The following SLC14A2 variants were observed in gnomAD, a reference collection of about 807,000 sequenced individuals.
SLC14A2 encodes solute carrier family 14 member 2.
SLC14A2 carries 91 observed loss-of-function variants against 104.6 expected under a neutral mutation model. The ratio of observed to expected loss-of-function variants is 0.87; its 90% CI spans 0.73 to 1.04. The LOEUF (loss-of-function observed/expected upper bound fraction) is 1.04. Ranked by LOEUF, SLC14A2 falls within the 50% of genes least tolerant of loss-of-function variation. SLC14A2 has a pLI of 0.00. For synonymous variants in SLC14A2, 476 were observed against 466.4 expected (o/e 1.02, Z -0.27); for missense variants, 1,189 against 1,156.0 (o/e 1.03, Z -0.41).
intron 2 of SLC14A2, among the ~76,000 whole-genome samples, chr18:45,522,288 A>G (rs577002605): frequency 1.3e-5 from 2 of 152,336 alleles, no homozygotes; most frequent in Admixed American, 6.5e-5. Context: ...TTGCTATCCA[A>G]AACAGCTAAG....
intron 16 of SLC14A2, among the ~76,000 whole-genome samples, chr18:45,670,092 C>A (rs2046103859): frequency 6.6e-6 from 1 of 152,164 alleles, no homozygotes; most frequent in African/African-American, 2.4e-5. Context: ...TGTGTCACTG[C>A]ACTCCATGAG....
chr18:45,266,229 G>A (rs183719715), intron 1 of SLC14A2, among the ~76,000 whole-genome samples: 1 of 152,188 alleles, frequency 6.6e-6, no homozygotes, highest in East Asian at 1.9e-4. Context: ...GTAAGGCCAC[G>A]CCATCAGTCC....
intron 1 of SLC14A2, among the ~76,000 whole-genome samples, chr18:45,459,081 G>A (rs1388910862): frequency 6.6e-6 from 1 of 152,158 alleles, no homozygotes; most frequent in South Asian, 2.1e-4. Flanking sequence ...GTCAGTGCAG[G>A]ACATCTGCTG....
intron 1 of SLC14A2, among the ~76,000 whole-genome samples, chr18:45,235,792 TGC>T (rs200720963): frequency 7.2e-6 from 1 of 138,216 alleles, no homozygotes; most frequent in South Asian, 2.2e-4. Context: ...CCAATGTGTA[TGC>T]GCGTGTGTGT....
At chr18:45,594,309 A>T (rs2044693043) in intron 2 of SLC14A2, among the ~76,000 whole-genome samples, 1 of 152,220 alleles carries the variant, frequency 6.6e-6, no homozygotes, top group African/African-American at 2.4e-5. Context: ...TAAGTGTAAG[A>T]CACATCAAAG....
chr18:45,641,138 G>A lies in SLC14A2; in HGVS notation c.992-71G>A. 1.9e-6 allele frequency: 3 copies of A among 1,549,742 alleles called. No homozygotes were observed. The South Asian group carries it at 3.5e-5, about 18-fold the overall frequency. On this transcript the variant is annotated intron_variant, in intron 7 of 19. Coordinates refer to ENST00000255226, the MANE Select transcript of SLC14A2 (RefSeq NM_007163.4). Reference sequence around the variant, plus strand: ...CAGCATGGAGGCCACTCTGAGACCTGGCACCAGTCCCAGGGTGGTCTTTGT... The same window carrying A: ...CAGCATGGAGGCCACTCTGAGACCTAGCACCAGTCCCAGGGTGGTCTTTGT...
In SLC14A2 at chr18:45,226,132, C is replaced by T. The variant is rs186120842; in HGVS notation, c.-125+12941C>T. Among the ~76,000 whole-genome samples the T allele has an allele frequency of 2.0e-5, 3 of 152,222 alleles. No homozygotes were observed. In the East Asian group the frequency reaches 5.8e-4, roughly 29 times the overall value. On this transcript the variant is annotated intron_variant, in intron 1 of 20. Transcript: ENST00000586448. Reference sequence around the variant, plus strand: ...AACCACAATGAGATACCATCTCACACCAGTTAGAATGGCAATCATTAAAAA... The same window carrying T: ...AACCACAATGAGATACCATCTCACATCAGTTAGAATGGCAATCATTAAAAA...
intron 2 of SLC14A2, among the ~76,000 whole-genome samples, chr18:45,500,255 A>G (rs1425016227): frequency 6.6e-6 from 1 of 152,170 alleles, no homozygotes; most frequent in East Asian, 1.9e-4. Context: ...GGTTGCTATA[A>G]AATACTTTCT....
rs2045867266 is a variant in SLC14A2, at chr18:45,657,818, T to C, written c.1352-5967T>C. ...TTTTCAATTCTAACATCCAATGCCTTAGAGAGTTTAGAGAATGATCTTTGA... is the reference window on the plus strand; with the variant it reads ...TTTTCAATTCTAACATCCAATGCCTCAGAGAGTTTAGAGAATGATCTTTGA... On this transcript the variant is annotated intron_variant, in intron 10 of 19. Transcript: ENST00000255226. 2.6e-5 allele frequency among the ~76,000 whole-genome samples: 4 copies of C among 152,164 alleles called. No individual in the cohort carries two copies. In the South Asian group the frequency reaches 6.2e-4, roughly 24 times the overall value.
intron 2 of SLC14A2, among the ~76,000 whole-genome samples, chr18:45,544,290 C>A (rs2043933690): frequency 6.6e-6 from 1 of 152,210 alleles, no homozygotes; most frequent in Non-Finnish European, 1.5e-5. Context: ...TATCCTGAAT[C>A]CCTTCAGCAA....
chr18:45,313,832 C>G (rs1273377210), intron 1 of SLC14A2, among the ~76,000 whole-genome samples: 1 of 152,180 alleles, frequency 6.6e-6, no homozygotes, highest in East Asian at 1.9e-4. Context: ...TCTGTGTAAT[C>G]AGATATTTCT....
chr18:45,433,137 G>C (rs975151259), intron 1 of SLC14A2, among the ~76,000 whole-genome samples: 5 of 152,052 alleles, frequency 3.3e-5, no homozygotes. Context: ...GATAGACATA[G>C]GTTTGAGTCC....
chr18:45,546,419 A>G (rs1261379915), intron 2 of SLC14A2, among the ~76,000 whole-genome samples: 2 of 152,238 alleles, frequency 1.3e-5, no homozygotes, highest in African/African-American at 4.8e-5. Context: ...ACTGAGTTGA[A>G]TCGATGCAAA....
At chr18:45,281,636 G>A (rs1318097948) in intron 1 of SLC14A2, among the ~76,000 whole-genome samples, 2 of 152,106 alleles carry the variant, frequency 1.3e-5, no homozygotes, top group Non-Finnish European at 2.9e-5. Flanking sequence ...GGGCTGGGGG[G>A]TGCAATTTAG....
At chr18:45,200,107 C>A in the SLC14A2 span, among the ~76,000 whole-genome samples, 1 of 151,944 alleles carries the variant, frequency 6.6e-6, no homozygotes, top group Non-Finnish European at 1.5e-5. Context: ...ATACTTCGTG[C>A]AGTTTTTTAT....
chr18:45,278,979 T>C (rs559801204), intron 1 of SLC14A2, among the ~76,000 whole-genome samples: 1 of 152,260 alleles, frequency 6.6e-6, no homozygotes, highest in South Asian at 2.1e-4. Flanking sequence ...TATCTATCCA[T>C]AGATAGAAAC....
At chr18:45,294,143 T>C (rs560612811) in intron 1 of SLC14A2, among the ~76,000 whole-genome samples, 7 of 152,346 alleles carry the variant, frequency 4.6e-5, no homozygotes, top group African/African-American at 1.2e-4. Flanking sequence ...AGTCTTCACA[T>C]TCTTCAGAAA....
intron 1 of SLC14A2, among the ~76,000 whole-genome samples, chr18:45,288,798 C>G (rs2084840993): frequency 1.3e-5 from 2 of 152,194 alleles, no homozygotes; most frequent in Non-Finnish European, 2.9e-5. Flanking sequence ...ATGCCCAGTC[C>G]CCGCCTGCCT....
At chr18:45,489,985 C>T (rs1304357494) in intron 2 of SLC14A2, 1 of 152,058 alleles carries the variant, frequency 6.6e-6, no homozygotes, top group Non-Finnish European at 1.5e-5. Flanking sequence ...GGGACTTGCA[C>T]AAGAATAGAC....
Sources: allele counts gnomAD v4.1 joint callset (sites outside exome capture counted in the v4.1 genomes callset), GRCh38; gene constraint gnomAD v4.1.1; transcripts MANE v1.5; gene names NCBI Gene and HGNC (gene_info 2026-07-23, HGNC 2026-07-21).